Variants in FARS2 observed in about 807,000 individuals in gnomAD.
FARS2 encodes the protein phenylalanyl-tRNA synthetase 2, mitochondrial, also known as phenylalanine--tRNA ligase, mitochondrial.
Under a neutral mutation model 46.4 loss-of-function variants are expected in FARS2, and 40 were observed. The ratio of observed to expected loss-of-function variants is 0.86; its 90% confidence interval spans 0.67 to 1.12. FARS2 has a LOEUF of 1.12. Ranked by LOEUF, FARS2 falls within the 50% of genes most tolerant of loss-of-function variation. The pLI is 0.00. For synonymous variants in FARS2, 234 were observed against 214.9 expected (o/e 1.09, Z -0.78); for missense variants, 513 against 567.9 (o/e 0.90, Z 0.98).
chr6:5,595,032 C>T (rs1454084934), intron 5 of FARS2, among the ~76,000 whole-genome samples: 2 of 152,114 alleles, frequency 1.3e-5, no homozygotes, highest in Non-Finnish European at 2.9e-5. Flanking sequence ...GGGCAGTTTG[C>T]AGAGTCCAAC....
At chr6:5,614,449 G>A (rs946705985) in intron 6 of FARS2, among the ~76,000 whole-genome samples, 11 of 144,530 alleles carry the variant, frequency 7.6e-5, no homozygotes, top group Non-Finnish European at 1.3e-4. Context: ...TCGCTCTGTC[G>A]CCCAGGCTGG....
intron 6 of FARS2, among the ~76,000 whole-genome samples, chr6:5,748,026 A>G (rs966460831): frequency 6.6e-6 from 1 of 152,136 alleles, no homozygotes; most frequent in African/African-American, 2.4e-5. Context: ...AGCTTTAACA[A>G]ATAATGTTGC....
rs148094200 is a variant in FARS2, at chr6:5,764,520, C to T, written c.1218-6771C>T. 3.0e-4 allele frequency among the ~76,000 whole-genome samples: 45 copies of T among 152,234 alleles called. No homozygotes were observed. In the East Asian group the frequency reaches 5.6e-3, roughly 19 times the overall value. ...AGCAGGAGACAGATGAGGAGTGAGC[C>T]GGGGAAACCCAGTGTTTGTTACTCT... On this transcript the variant is annotated intron_variant, in intron 6 of 6. Transcript: ENST00000274680. This position sits in a 1 kb window ranked among gnomAD's most constrained non-coding sequence, Gnocchi z 4.1.
intron 6 of FARS2, among the ~76,000 whole-genome samples, chr6:5,636,071 G>A (rs893354656): frequency 1.7e-4 from 26 of 152,016 alleles, no homozygotes; most frequent in Non-Finnish European, 2.2e-4. Context: ...TGTGGGAGTG[G>A]CGCTTTAAAG....
chr6:5,350,915 C>G (rs1757535815), intron 1 of FARS2, among the ~76,000 whole-genome samples: 1 of 152,208 alleles, frequency 6.6e-6, no homozygotes, highest in Non-Finnish European at 1.5e-5. Flanking sequence ...GGGGTTTCTT[C>G]TAGCTTGTTG....
intron 5 of FARS2, among the ~76,000 whole-genome samples, chr6:5,547,536 C>T (rs1771109896): frequency 6.6e-6 from 1 of 152,114 alleles, no homozygotes; most frequent in Admixed American, 6.6e-5. Context: ...ATCTGCTTTC[C>T]TCTTGATGGT....
At chr6:5,695,521 A>T (rs1354840201) in intron 6 of FARS2, among the ~76,000 whole-genome samples, 1 of 152,250 alleles carries the variant, frequency 6.6e-6, no homozygotes, top group African/African-American at 2.4e-5. Flanking sequence ...TTGTAACCAC[A>T]TTATTTTACT....
At chr6:5,577,633 C>T (rs1773063391) in intron 5 of FARS2, among the ~76,000 whole-genome samples, 2 of 152,082 alleles carry the variant, frequency 1.3e-5, no homozygotes, top group Non-Finnish European at 2.9e-5. Flanking sequence ...TAATTACATT[C>T]ATTTTCTTCT....
chr6:5,567,751 T>C (rs184494236), intron 5 of FARS2, among the ~76,000 whole-genome samples: 7 of 152,358 alleles, frequency 4.6e-5, no homozygotes, highest in African/African-American at 1.4e-4. Context: ...CCCAACATCA[T>C]CTTTGAGTGT....
intron 6 of FARS2, among the ~76,000 whole-genome samples, chr6:5,712,239 G>A (rs969043771): frequency 6.6e-6 from 1 of 152,134 alleles, no homozygotes; most frequent in African/African-American, 2.4e-5. Context: ...TATCACAAGT[G>A]ATGTTAGTGG....
intron 2 of FARS2, among the ~76,000 whole-genome samples, chr6:5,396,504 A>G (rs1251932636): frequency 1.3e-5 from 2 of 152,228 alleles, no homozygotes; most frequent in Non-Finnish European, 2.9e-5. Flanking sequence ...TGGGAGATTT[A>G]TAATTTGATT....
At chr6:5,324,869 C>G (rs187421803) in intron 1 of FARS2, among the ~76,000 whole-genome samples, 100 of 152,138 alleles carry the variant, frequency 6.6e-4, no homozygotes, top group Non-Finnish European at 1.3e-3. Context: ...CCACCAAGAA[C>G]AGATCCCATC....
intron 4 of FARS2, among the ~76,000 whole-genome samples, chr6:5,469,297 C>T (rs959183973): frequency 6.6e-6 from 1 of 152,210 alleles, no homozygotes; most frequent in South Asian, 2.1e-4. Flanking sequence ...CTGCCTTGAC[C>T]CCACTCGGTT....
At chr6:5,283,360 T>G (rs2127865338) in intron 1 of FARS2, among the ~76,000 whole-genome samples, 3 of 109,642 alleles carry the variant, frequency 2.7e-5, no homozygotes, top group East Asian at 2.4e-4. Flanking sequence ...GCAACAAAAG[T>G]GAAACTCCTG....
chr6:5,287,330 A>G (rs1767190437), intron 1 of FARS2, among the ~76,000 whole-genome samples: 1 of 152,224 alleles, frequency 6.6e-6, no homozygotes, highest in Non-Finnish European at 1.5e-5. Context: ...GAGAAGAGAA[A>G]TGGTGGAGTG....
intron 6 of FARS2, among the ~76,000 whole-genome samples, chr6:5,662,097 T>C (rs906117844): frequency 6.6e-6 from 1 of 152,230 alleles, no homozygotes; most frequent in South Asian, 2.1e-4. Flanking sequence ...GGGCTTATAT[T>C]TGACATGGAA....
intron 1 of FARS2, among the ~76,000 whole-genome samples, chr6:5,301,847 A>ACACACACAC (rs57552015): frequency 2.0e-5 from 3 of 150,150 alleles, no homozygotes; most frequent in African/African-American, 4.9e-5. Context: ...ACACACACAC[A>ACACACACAC]AAGAAAATGG....
intron 2 of FARS2, among the ~76,000 whole-genome samples, chr6:5,395,118 T>C (rs1282302958): frequency 1.3e-5 from 2 of 152,180 alleles, no homozygotes; most frequent in Non-Finnish European, 2.9e-5. Context: ...TGGTGTGATC[T>C]TGGCTCGCTT....
In FARS2 at chr6:5,706,130, G is replaced by A. The variant is rs1336960949; in HGVS notation, c.1218-65161G>A. On this transcript the variant is annotated intron_variant, in intron 6 of 6. Coordinates refer to ENST00000274680, the MANE Select transcript of FARS2 (RefSeq NM_006567.5). The stretch of plus-strand genomic sequence containing the variant: ...ATCAGGCATCAGATTCTCATAAGGA[G>A]CACACGAGCTAGATCCCTCGCCTGC... 2.6e-5 allele frequency among the ~76,000 whole-genome samples: 4 copies of A among 152,254 alleles called. No homozygotes were observed. The East Asian group carries it at 7.7e-4, about 29-fold the overall frequency.
Sources: gnomAD v4.1 joint callset for allele counts (sites outside exome capture counted in the v4.1 genomes callset) on GRCh38, gnomAD v4.1.1 for gene constraint, Gnocchi (gnomAD v3.1) non-coding constraint, MANE v1.5 for transcripts, NCBI Gene and HGNC (gene_info 2026-07-23, HGNC 2026-07-21) for gene names.